SLC25A48: variants seen among roughly 807,000 people sequenced by gnomAD.
The protein encoded by SLC25A48 is solute carrier family 25 member 48.
A neutral mutation model predicts 32.2 loss-of-function variants in SLC25A48; 29 were observed. The observed-to-expected ratio is 0.90, with a 90% CI of 0.67 to 1.23. SLC25A48 has a LOEUF of 1.23. Ranked by LOEUF, SLC25A48 falls within the 50% of genes most tolerant of loss-of-function variation. SLC25A48 has a pLI of 0.00. For synonymous variants in SLC25A48, 164 were observed against 172.3 expected (o/e 0.95, Z 0.38); for missense variants, 399 against 422.7 (o/e 0.94, Z 0.49).
At chr5:135,739,118 T>C (rs1755444594) in intron 3 of SLC25A48, among the ~76,000 whole-genome samples, 1 of 151,930 alleles carries the variant, frequency 6.6e-6, no homozygotes, top group African/African-American at 2.4e-5. Flanking sequence ...ATTTATGGAC[T>C]TGTTATTCAT....
At chr5:135,712,525 A>C (rs1213418389) in intron 3 of SLC25A48, among the ~76,000 whole-genome samples, 1 of 152,256 alleles carries the variant, frequency 6.6e-6, no homozygotes, top group African/African-American at 2.4e-5. Context: ...ATCAGTCTCC[A>C]GCAGGCTTCC....
chr5:135,807,252 AG>A (rs1295915501), intron 3 of SLC25A48, among the ~76,000 whole-genome samples: 1 of 150,698 alleles, frequency 6.6e-6, no homozygotes, highest in African/African-American at 2.4e-5. Context: ...TGAATGTCAT[AG>A]TATGTTAACA....
chr5:135,778,905 A>G (rs530495442), intron 3 of SLC25A48, among the ~76,000 whole-genome samples: 53 of 140,970 alleles, frequency 3.8e-4, no homozygotes, highest in African/African-American at 1.4e-3. Flanking sequence ...ATTACTCCCA[A>G]TATTGCAGGA....
intron 3 of SLC25A48, among the ~76,000 whole-genome samples, chr5:135,705,156 A>G (rs1367875694): frequency 6.6e-6 from 1 of 152,196 alleles, no homozygotes; most frequent in Non-Finnish European, 1.5e-5. Context: ...CTGTTCTCAG[A>G]GCTCTCAGTC....
chr5:135,626,828 G>A (rs1752450637), intron 1 of SLC25A48, among the ~76,000 whole-genome samples: 1 of 152,128 alleles, frequency 6.6e-6, no homozygotes, highest in South Asian at 2.1e-4. Flanking sequence ...TGCCAAGTTT[G>A]GGTGATTTTT....
chr5:135,886,693 AGAGAGAGAGTGTGT>A (rs1561568021), intron 7 of SLC25A48, among the ~76,000 whole-genome samples: 1 of 138,834 alleles, frequency 7.2e-6, no homozygotes, highest in Non-Finnish European at 1.5e-5. Flanking sequence ...AGAGAGAGAG[AGAGAGAGAGTGTGT>A]GTGTGTGTGT....
At chr5:135,842,354 C>G (rs949519312) in intron 1 of SLC25A48, 62 bp from the exon 2 acceptor site, 28 of 1,562,924 alleles carry the variant, frequency 1.8e-5, no homozygotes, top group Non-Finnish European at 2.5e-5. Flanking sequence ...GTCCCAAGAG[C>G]TGGCTGGTGT....
In SLC25A48 at chr5:135,834,816, C is replaced by G; in HGVS notation, c.-32C>G. 6.4e-7 allele frequency: 1 copy of G among 1,570,884 alleles called. No homozygotes were observed. The highest frequency in any genetic ancestry group is 8.6e-7 in the Non-Finnish European group (1 of 1,158,814). On this transcript the variant is annotated 5_prime_UTR_variant, in exon 1 of 8. Coordinates refer to ENST00000681962, the MANE Select transcript of SLC25A48 (RefSeq NM_001349336.2). ...CACTGACTCTAAGTGGGCACTGCCC[C>G]GGCTCCGGGAGGGCGAGACCGAGCG...
intron 1 of SLC25A48, among the ~76,000 whole-genome samples, chr5:135,587,858 G>A (rs898821692): frequency 6.6e-6 from 1 of 152,226 alleles, no homozygotes; most frequent in East Asian, 1.9e-4. Context: ...GCAAGGAGGG[G>A]CAGCAGGAAC....
At chr5:135,808,460 TC>T (rs1757519006) in intron 3 of SLC25A48, among the ~76,000 whole-genome samples, 1 of 151,934 alleles carries the variant, frequency 6.6e-6, no homozygotes, top group Non-Finnish European at 1.5e-5. Flanking sequence ...TTCCCTCACC[TC>T]CCCCCTCACT....
intron 3 of SLC25A48, among the ~76,000 whole-genome samples, chr5:135,706,048 G>A (rs113357273): frequency 6.6e-6 from 1 of 152,114 alleles, no homozygotes; most frequent in South Asian, 2.1e-4. Flanking sequence ...TCTGGTCATC[G>A]GCCCAACCCT....
Position 135,888,204 on chromosome 5 carries a change from G to A in SLC25A48, c.*180G>A. On this transcript the variant is annotated 3_prime_UTR_variant, in exon 8 of 8. Transcript: ENST00000681962. Reference sequence around the variant, plus strand: ...TTCTGATGCCTGGGATGCCTCATGAGTCACTGATTCAAGCCCTCCAAGGTT... The same window carrying A: ...TTCTGATGCCTGGGATGCCTCATGAATCACTGATTCAAGCCCTCCAAGGTT... 2.2e-6 allele frequency: 2 copies of A among 904,358 alleles called. No homozygotes were observed. Among genetic ancestry groups the A allele is most frequent in the Non-Finnish European group, 3.4e-6 (2 of 590,876 alleles). The allele number at this position is 904,358 out of a possible 1,614,324, so 56.0% of individuals were successfully genotyped here. A position where few individuals can be genotyped will look rare whatever the true frequency, so the allele number is the denominator to read the frequency against.
At chr5:135,627,949 C>G (rs1445978240) in intron 1 of SLC25A48, among the ~76,000 whole-genome samples, 2 of 152,162 alleles carry the variant, frequency 1.3e-5, no homozygotes, top group Admixed American at 1.3e-4. Context: ...ATGAAGGATA[C>G]AGGCCCTGCC....
chr5:135,881,357 A>G (rs1479040418), intron 7 of SLC25A48, among the ~76,000 whole-genome samples: 1 of 152,226 alleles, frequency 6.6e-6, no homozygotes, highest in African/African-American at 2.4e-5. Flanking sequence ...GCCAGGGTGC[A>G]CGGGTGGTGC....
intron 1 of SLC25A48, among the ~76,000 whole-genome samples, chr5:135,580,777 G>T (rs1751214334): frequency 6.6e-6 from 1 of 152,098 alleles, no homozygotes. Flanking sequence ...AAAATCTTGG[G>T]TGAAATCTTC....
chr5:135,877,096 T>C (rs953925384), intron 6 of SLC25A48, among the ~76,000 whole-genome samples: 1 of 152,176 alleles, frequency 6.6e-6, no homozygotes, highest in Non-Finnish European at 1.5e-5. Flanking sequence ...AACTTAGGAA[T>C]GATCAGTGGT....
intron 3 of SLC25A48, among the ~76,000 whole-genome samples, chr5:135,666,563 G>A (rs148192498): frequency 2.0e-5 from 3 of 152,124 alleles, no homozygotes; most frequent in African/African-American, 7.2e-5. Context: ...TTATAGCCAC[G>A]GCTGAAAACT....
At chr5:135,883,256 A>T in intron 7 of SLC25A48, 1 of 985,420 alleles carries the variant, frequency 1.0e-6, no homozygotes, top group Non-Finnish European at 1.2e-6. Context: ...CCTTGGAGGG[A>T]TTCAACTGAC....
rs34299516 is a variant in SLC25A48 at position 135,646,659 on chromosome 5, T to TTATATATATATATATATATATATA, written c.-521+11723_-521+11724insTATATATATATATATATATATATA. On this transcript the variant is annotated intron_variant, in intron 3 of 10. Coordinates refer to the SLC25A48 transcript ENST00000646290. ...TACGCATTTATAATATAATTTCCCA[T>TTATATATATATATATATATATATA]TATATATATATATATATATACAATG... is the stretch of plus-strand genomic sequence containing the variant. Among the ~76,000 whole-genome samples the TTATATATATATATATATATATATA allele has an allele frequency of 7.2e-3, 902 of 125,130 alleles. 44 individuals carry two copies. Among genetic ancestry groups the TTATATATATATATATATATATATA allele is most frequent in the East Asian group, 0.048 (173 of 3,608 alleles). The allele number at this position is 125,130 out of a possible 152,430, so 82.1% of individuals were successfully genotyped here. A position where few individuals can be genotyped will look rare whatever the true frequency, so the allele number is the denominator to read the frequency against.
Sources: allele counts gnomAD v4.1 joint callset (sites outside exome capture counted in the v4.1 genomes callset), GRCh38; gene constraint gnomAD v4.1.1; transcripts MANE v1.5; gene names NCBI Gene and HGNC (gene_info 2026-07-23, HGNC 2026-07-21).